The following GALNT13 variants were observed in gnomAD, a reference collection of about 807,000 sequenced individuals.
The protein encoded by GALNT13 is UDP-GalNAc:polypeptide N-acetylgalactosaminyltransferase 13.
A neutral mutation model predicts 64.2 loss-of-function variants in GALNT13; 28 were observed. The ratio of observed to expected loss-of-function variants is 0.44; its 90% CI spans 0.32 to 0.60. The LOEUF (loss-of-function observed/expected upper bound fraction) is 0.60. Ranked by LOEUF, GALNT13 falls within the 20% of genes least tolerant of loss-of-function variation. GALNT13 has a pLI of 0.05. For missense variants in GALNT13, 577 were observed against 669.8 expected (o/e 0.86, Z 1.53); for synonymous variants, 214 against 224.6 (o/e 0.95, Z 0.42).
chr2:153,138,003 A>G, the GALNT13 span, among the ~76,000 whole-genome samples: 1 of 151,468 alleles, frequency 6.6e-6, no homozygotes, highest in Non-Finnish European at 1.5e-5. Flanking sequence ...AATTTAAGAG[A>G]CCCTCACACA....
the GALNT13 span, among the ~76,000 whole-genome samples, chr2:153,807,450 T>C: frequency 6.6e-6 from 1 of 151,896 alleles, no homozygotes; most frequent in Admixed American, 6.6e-5. Context: ...TTTCTTAGAA[T>C]GGCCACACAA....
chr2:154,309,928 G>A (rs1693941414), intron 9 of GALNT13, among the ~76,000 whole-genome samples: 2 of 152,152 alleles, frequency 1.3e-5, no homozygotes, highest in Non-Finnish European at 2.9e-5. Flanking sequence ...GTGAGATCCA[G>A]TCCTTGCCCA....
the GALNT13 span, among the ~76,000 whole-genome samples, chr2:153,742,342 A>G: frequency 6.6e-6 from 1 of 152,120 alleles, no homozygotes; most frequent in Non-Finnish European, 1.5e-5. Context: ...AAGGCTGAAT[A>G]ATACTTCATT....
At chr2:153,840,729 T>C in the GALNT13 span, among the ~76,000 whole-genome samples, 909 of 152,094 alleles carry the variant, frequency 6.0e-3, 12 homozygotes, top group African/African-American at 0.02. Flanking sequence ...CAATAAAAAA[T>C]AGAAAAAGCT....
intron 3 of GALNT13, among the ~76,000 whole-genome samples, chr2:154,029,302 C>A (rs1270698496): frequency 3.3e-5 from 5 of 151,572 alleles, no homozygotes; most frequent in Non-Finnish European, 7.4e-5. Flanking sequence ...TCACCTGGAT[C>A]CTTCTCCCCT....
intron 3 of GALNT13, among the ~76,000 whole-genome samples, chr2:154,131,434 C>G (rs866199030): frequency 1.3e-5 from 2 of 152,084 alleles, no homozygotes; most frequent in Non-Finnish European, 2.9e-5. Flanking sequence ...AATGAATTTC[C>G]TGTGAGGAAC....
intron 9 of GALNT13, among the ~76,000 whole-genome samples, chr2:154,313,660 G>A (rs558184934): frequency 5.3e-5 from 8 of 151,752 alleles, no homozygotes; most frequent in East Asian, 3.9e-4. Context: ...TCACCATGTT[G>A]GCCAGGATGA....
chr2:153,902,571 T>C (rs1012346963), intron 2 of GALNT13, among the ~76,000 whole-genome samples: 3 of 152,104 alleles, frequency 2.0e-5, no homozygotes, highest in Non-Finnish European at 4.4e-5. Context: ...GAAGACTTGT[T>C]GCAAAAAGAT....
chr2:153,734,983 C>T, the GALNT13 span, among the ~76,000 whole-genome samples: 1 of 152,056 alleles, frequency 6.6e-6, no homozygotes, highest in East Asian at 1.9e-4. Context: ...AGCCTTGAAC[C>T]GTGACAACTC....
intron 4 of GALNT13, among the ~76,000 whole-genome samples, chr2:154,144,456 T>C (rs1024704370): frequency 2.6e-5 from 4 of 152,160 alleles, no homozygotes; most frequent in African/African-American, 9.6e-5. Context: ...TGATGACTGA[T>C]GTAAAGATGT....
chr2:153,921,817 C>G (rs1202960909), intron 2 of GALNT13, among the ~76,000 whole-genome samples: 2 of 151,872 alleles, frequency 1.3e-5, no homozygotes, highest in Admixed American at 6.6e-5. Flanking sequence ...ACAAATATAT[C>G]CTGCAGAGCC....
chr2:153,114,639 A>G, the GALNT13 span, among the ~76,000 whole-genome samples: 12 of 152,130 alleles, frequency 7.9e-5, no homozygotes, highest in Admixed American at 7.9e-4. Context: ...AGGAGATAAC[A>G]GTTGAAATGA....
chr2:153,656,034 T>C, the GALNT13 span, among the ~76,000 whole-genome samples: 1,433 of 152,266 alleles, frequency 9.4e-3, 23 homozygotes, highest in African/African-American at 0.033. Context: ...CGCTTTGTTA[T>C]GCAAACTGTG....
chr2:154,265,755 A>G (rs1419384144), intron 8 of GALNT13, among the ~76,000 whole-genome samples: 1 of 152,198 alleles, frequency 6.6e-6, no homozygotes, highest in African/African-American at 2.4e-5. Context: ...AGTACCTCCC[A>G]ATTCATTCTG....
the GALNT13 span, among the ~76,000 whole-genome samples, chr2:153,282,212 G>GAGTTTTTCA: frequency 6.6e-5 from 10 of 152,096 alleles, no homozygotes; most frequent in East Asian, 1.9e-3. Context: ...TTTCTTAAGT[G>GAGTTTTTCA]AGTTTTTCAA....
chr2:153,777,533 G>A, the GALNT13 span, among the ~76,000 whole-genome samples: 7 of 152,200 alleles, frequency 4.6e-5, no homozygotes, highest in African/African-American at 1.7e-4. Flanking sequence ...CTAGGGGATT[G>A]AACAGACAAT....
the GALNT13 span, among the ~76,000 whole-genome samples, chr2:153,270,794 A>G: frequency 6.6e-6 from 1 of 152,224 alleles, no homozygotes; most frequent in South Asian, 2.1e-4. Context: ...CGAGGCTGCA[A>G]TGAACTGAGA....
chr2:153,263,922 G>C, the GALNT13 span, among the ~76,000 whole-genome samples: 1 of 152,188 alleles, frequency 6.6e-6, no homozygotes, highest in African/African-American at 2.4e-5. Flanking sequence ...AAATGCAATT[G>C]CAAGAAAAGC....
chr2:154,355,365 A>G (rs766514953), intron 9 of GALNT13, among the ~76,000 whole-genome samples: 2 of 152,088 alleles, frequency 1.3e-5, no homozygotes, highest in Admixed American at 6.6e-5. Flanking sequence ...TACAAAAACA[A>G]TTTCTTAGGA....
Sources: gnomAD v4.1 joint callset for allele counts (sites outside exome capture counted in the v4.1 genomes callset) on GRCh38, gnomAD v4.1.1 for gene constraint, MANE v1.5 for transcripts, NCBI Gene and HGNC (gene_info 2026-07-23, HGNC 2026-07-21) for gene names.